Variants in SSRP1 observed in about 807,000 individuals in gnomAD.
SSRP1 encodes FACT complex subunit SSRP1.
In SSRP1, 21 loss-of-function variants were observed where a neutral mutation model predicts 84.4. The ratio of observed to expected loss-of-function variants is 0.25; its 90% confidence interval spans 0.18 to 0.36. The LOEUF (loss-of-function observed/expected upper bound fraction) is 0.36, where lower values mean the gene tolerates loss of function less well. SSRP1 is among the 10% of genes least tolerant of loss of function. SSRP1 has a pLI of 1.00. For synonymous variants in SSRP1, 319 were observed against 318.3 expected (o/e 1.00, Z -0.02); for missense variants, 519 against 900.8 (o/e 0.58, Z 5.43).
In SSRP1 at chr11:57,326,460, GTTC is replaced by G. The variant is rs764601446; in HGVS notation, c.2074_2076del (p.Glu692del). The G allele has an allele frequency of 7.8e-5, 126 of 1,614,140 alleles. No homozygotes were observed. In the Middle Eastern group the frequency reaches 8.2e-4, roughly 11 times the overall value. ...TCTGAGCTGGGGGGAGTACTGGCTA[GTTC>G]TTCTTCTTCAGAGTCCTGAAAACCA... On this transcript the variant is annotated inframe_deletion, in exon 17 of 17. Transcript: ENST00000278412.
intron 12 of SSRP1, chr11:57,329,695 TAAC>T (rs1187972493): frequency 1.2e-5 from 3 of 251,122 alleles, no homozygotes; most frequent in African/African-American, 6.6e-5. Context: ...CTGACACTGC[TAAC>T]AAAAAGTCTT....
rs998524227 is a variant in SSRP1 at position 57,330,935 on chromosome 11, G to A, written c.1224-8C>T. 6 of 1,614,148 alleles carry A rather than the reference G, an allele frequency of 3.7e-6. No homozygotes were observed. The highest frequency in any genetic ancestry group is 5.1e-6 in the Non-Finnish European group (6 of 1,180,000). On this transcript the variant is annotated splice_region_variant and splice_polypyrimidine_tract_variant and intron_variant, in intron 9 of 16. Coordinates refer to ENST00000278412, the MANE Select transcript of SSRP1 (RefSeq NM_003146.3). The surrounding 1 kb of genome is among the most constrained non-coding windows in gnomAD (Gnocchi z 4.0). Reference sequence around the variant, plus strand: ...AGTTTCCCGTACTCCTCCCTGTGAGGGGACATGCACCATGTTACCAGAGAG... The same window carrying A: ...AGTTTCCCGTACTCCTCCCTGTGAGAGGACATGCACCATGTTACCAGAGAG...
chr11:57,334,797 T>G (rs533213494), intron 2 of SSRP1, 149 bp from the exon 3 acceptor site: 1 of 993,530 alleles, frequency 1.0e-6, no homozygotes, highest in African/African-American at 1.6e-5. Context: ...GAGTCTAGAT[T>G]CTAAACCAGA....
Position 57,330,303 on chromosome 11 carries a change from C to T in SSRP1, c.1423G>A (p.Gly475Arg). 6.2e-7 allele frequency: 1 copy of T among 1,614,244 alleles called. No individual in the cohort carries two copies. The highest frequency in any genetic ancestry group is 8.5e-7 in the Non-Finnish European group (1 of 1,180,044). The change falls in exon 11 of 17, where the codon GGA becomes AGA. Residue 475 changes from glycine to arginine, a missense_variant. By Grantham distance (125) the Gly-to-Arg change is moderately radical (BLOSUM62 -2). Transcript: ENST00000278412. The surrounding 1 kb of genome is among the most constrained non-coding windows in gnomAD (Gnocchi z 4.0). ...GAGGCTAACCCACCGGTTTCTTCTCCTGAGTCATCGCTGCTGTCATTGGCA... is the reference window on the plus strand; with the variant it reads ...GAGGCTAACCCACCGGTTTCTTCTCTTGAGTCATCGCTGCTGTCATTGGCA... ...ENANDSSDDS[G>R]EETDESFNPG...
chr11:57,332,785 C>T lies in SSRP1; in HGVS notation c.608G>A (p.Arg203Gln). 4 of 1,614,108 alleles carry T rather than the reference C, an allele frequency of 2.5e-6. No individual in the cohort carries two copies. The highest frequency in any genetic ancestry group is 1.1e-5 in the South Asian group (1 of 91,082). Residue 203 changes from arginine to glutamine, a missense_variant, in exon 6 of 17, where the codon CGG becomes CAG. By Grantham distance (43) the Arg-to-Gln change is conservative. Coordinates refer to ENST00000278412, the MANE Select transcript of SSRP1 (RefSeq NM_003146.3). This position sits in a 1 kb window ranked among gnomAD's most constrained non-coding sequence, Gnocchi z 5.5. The stretch of plus-strand genomic sequence containing the variant: ...ACGAGGAGTCAGACACTGCAGCTCC[C>T]GGAAGATGCAGATGGCATCTCCCGT... ...QATGDAICIF[R>Q]ELQCLTPRGR...
Position 57,333,445 on chromosome 11 carries a change from C to T in SSRP1, c.336G>A (p.Val112=). 1.2e-6 allele frequency: 2 copies of T among 1,613,982 alleles called. No individual in the cohort carries two copies. The highest frequency in any genetic ancestry group is 2.2e-5 in the East Asian group (1 of 44,888). ...TTCCCCAGGACTCACCACCAAATTT[C>T]ACTGTCCCCCAGTTCCAGCCCTTCA... is the stretch of plus-strand genomic sequence containing the variant. ...LCVKGWNWGT[V]KFGGQLLSFD... The change falls in exon 4 of 17, where the codon GTG becomes GTA. Residue 112 remains valine (V), a synonymous_variant. Transcript: ENST00000278412.
At position 57,330,425 on chromosome 11, in the gene SSRP1, A is replaced by T; in HGVS notation, c.1301T>A (p.Met434Lys). The stretch of plus-strand genomic sequence containing the variant: ...AGCATATTCATCGTAGCTTGGGTTC[A>T]TGCCCTAGCCAGGGAAGAGTTCACG... ...NIKNRGLKEG[M>K]NPSYDEYADS... Residue 434 changes from methionine to lysine, a missense_variant, in exon 11 of 17, where the codon ATG becomes AAG. Physicochemically the swap from Met to Lys is moderately conservative, Grantham distance 95. Coordinates refer to ENST00000278412, the MANE Select transcript of SSRP1 (RefSeq NM_003146.3). This position sits in a 1 kb window ranked among gnomAD's most constrained non-coding sequence, Gnocchi z 4.0. 6.2e-7 allele frequency: 1 copy of T among 1,613,716 alleles called. No individual in the cohort carries two copies. Among genetic ancestry groups the T allele is most frequent in the Non-Finnish European group, 8.5e-7 (1 of 1,179,974 alleles).
chr11:57,334,965 C>A (rs1185436985), intron 2 of SSRP1, 103 bp downstream of exon 2: 1 of 1,402,966 alleles, frequency 7.1e-7, no homozygotes, highest in African/African-American at 1.4e-5. Flanking sequence ...ACTGAGTCTT[C>A]TTTTTCCAAA....
In SSRP1 at chr11:57,333,552, G is replaced by A. The variant is rs1170608264; in HGVS notation, c.241-12C>T. The A allele has an allele frequency of 5.6e-6, 9 of 1,599,772 alleles. No homozygotes were observed. Among genetic ancestry groups the A allele is most frequent in the African/African-American group, 1.3e-5 (1 of 74,584 alleles). On this transcript the variant is annotated splice_polypyrimidine_tract_variant and intron_variant, in intron 3 of 16. Coordinates refer to ENST00000278412, the MANE Select transcript of SSRP1 (RefSeq NM_003146.3). ...AGTTTCTCAAACTCCTGTGGGTGGA[G>A]GGAAGAAAGCACAATCCCAGTAAAC...
At chr11:57,331,644 G>T in intron 9 of SSRP1, 24 bp downstream of exon 9, 1 of 1,594,418 alleles carries the variant, frequency 6.3e-7, no homozygotes, top group South Asian at 1.1e-5. Context: ...GGATGCCCAG[G>T]AAGTGACAGG....
chr11:57,330,598 C>G lies in SSRP1; in HGVS notation c.1297-169G>C. On this transcript the variant is annotated intron_variant, in intron 10 of 16. Coordinates refer to ENST00000278412, the MANE Select transcript of SSRP1 (RefSeq NM_003146.3). This position sits in a 1 kb window ranked among gnomAD's most constrained non-coding sequence, Gnocchi z 4.0. ...TGCAGGGCCTATGCCCAAGTACTTCCTGCCAACTGGGTTAGTCCAAGCCCC... is the reference window on the plus strand; with the variant it reads ...TGCAGGGCCTATGCCCAAGTACTTCGTGCCAACTGGGTTAGTCCAAGCCCC... The G allele has an allele frequency of 7.0e-7, 1 of 1,430,022 alleles. No homozygotes were observed. Among genetic ancestry groups the G allele is most frequent in the Non-Finnish European group, 9.2e-7 (1 of 1,090,480 alleles). 88.6% of individuals were successfully genotyped at this position (1,430,022 alleles called of 1,614,324 possible).
In SSRP1 at chr11:57,328,414, G is replaced by A. The variant is rs768189674; in HGVS notation, c.1494C>T (p.Asn498=). 50 of 1,613,966 alleles carry A rather than the reference G, an allele frequency of 3.1e-5. 2 individuals are homozygous for A. The highest frequency in any genetic ancestry group is 2.1e-4 in the South Asian group (19 of 91,084). ...EEDVAEEFDS[N]ASASSSSNEG... Reference sequence around the variant, plus strand: ...CATTACTGGAGGAGCTGGCAGAGGCGTTGCTGTCAAACCTGCCAGAGAACA... The same window carrying A: ...CATTACTGGAGGAGCTGGCAGAGGCATTGCTGTCAAACCTGCCAGAGAACA... Residue 498 remains asparagine (N), a synonymous_variant, in exon 13 of 17, where the codon AAC becomes AAT. Transcript: ENST00000278412.
At chr11:57,329,206 CT>C (rs1271196912) in intron 12 of SSRP1, 1 of 152,246 alleles carries the variant, frequency 6.6e-6, no homozygotes, top group African/African-American at 2.4e-5. Flanking sequence ...AACTAGAGGA[CT>C]CCTGTTGGGT....
chr11:57,333,379 G>T, intron 4 of SSRP1, 56 bp downstream of exon 4: 1 of 1,468,014 alleles, frequency 6.8e-7, no homozygotes, highest in Non-Finnish European at 9.5e-7. Flanking sequence ...CAAGTAAAAG[G>T]CTGAAACCCT....
At position 57,332,618 on chromosome 11, in the gene SSRP1, T is replaced by G; in HGVS notation, c.768+7A>C. On this transcript the variant is annotated splice_region_variant and intron_variant, in intron 6 of 16. Transcript: ENST00000278412. The surrounding 1 kb of genome is among the most constrained non-coding windows in gnomAD (Gnocchi z 5.5). Reference sequence around the variant, plus strand: ...AGGATTATCCGGCCATAGGGGTTTCTGCTTACCACAAAGAACATCTGGCGC... The same window carrying G: ...AGGATTATCCGGCCATAGGGGTTTCGGCTTACCACAAAGAACATCTGGCGC... The G allele has an allele frequency of 6.2e-7, 1 of 1,610,264 alleles. No homozygotes were observed. The highest frequency in any genetic ancestry group is 8.5e-7 in the Non-Finnish European group (1 of 1,177,062).
intron 13 of SSRP1, 117 bp from the exon 14 acceptor site, chr11:57,327,999 G>A (rs981466055): frequency 2.2e-5 from 28 of 1,275,900 alleles, no homozygotes; most frequent in East Asian, 2.0e-4. Flanking sequence ...AGCATCAGGC[G>A]AGACGAGAGC....
At chr11:57,327,976 T>C (rs867402869) in intron 13 of SSRP1, 94 bp from the exon 14 acceptor site, 190 of 1,468,622 alleles carry the variant, frequency 1.3e-4, no homozygotes, top group Admixed American at 2.5e-4. Context: ...GGAGAAAAAG[T>C]GGAGGACTAA....
In SSRP1 at chr11:57,334,561, A is replaced by C. The variant is rs1295923776; in HGVS notation, c.142T>G (p.Leu48Val). ...ACACGGCGCCAGATACCTTCTGTTA[A>C]CTCCCCAGCCTGGATGTTGTCCACT... The part of the protein sequence containing the change: ...GKVDNIQAGE[L>V]TEGIWRRVAL... Residue 48 changes from leucine to valine, a missense_variant, in exon 3 of 17, where the codon TTA (leucine) becomes GTA (valine). Leu to Val is a conservative substitution (Grantham distance 32). Transcript: ENST00000278412. 1.2e-6 allele frequency: 2 copies of C among 1,614,160 alleles called. No individual in the cohort carries two copies. Among genetic ancestry groups the C allele is most frequent in the African/African-American group, 2.7e-5 (2 of 75,048 alleles).
Position 57,330,867 on chromosome 11 carries a change from T to C in SSRP1, c.1284A>G (p.Arg428=). The change falls in exon 10 of 17, where the codon CGA becomes CGG. Residue 428 remains arginine, a synonymous_variant. Coordinates refer to ENST00000278412, the MANE Select transcript of SSRP1 (RefSeq NM_003146.3). The surrounding 1 kb of genome is among the most constrained non-coding windows in gnomAD (Gnocchi z 4.0). ...CACACAGAAGTACCTCTTTCAATCC[T>C]CGGTTTTTGATGTTGAGCTTTTTCG... is the stretch of plus-strand genomic sequence containing the variant. ...VNAKKLNIKN[R]GLKEGMNPSY... The C allele has an allele frequency of 1.2e-6, 2 of 1,614,172 alleles. No individual in the cohort carries two copies. The highest frequency in any genetic ancestry group is 1.7e-6 in the Non-Finnish European group (2 of 1,180,028).
Sources: gnomAD v4.1 joint callset for allele counts on GRCh38, gnomAD v4.1.1 for gene constraint, Gnocchi (gnomAD v3.1) non-coding constraint, MANE v1.5 for transcripts, NCBI Gene and HGNC (gene_info 2026-07-23, HGNC 2026-07-21) for gene names.